PSME3: variants seen among roughly 807,000 people sequenced by gnomAD.
The protein encoded by PSME3 is proteasome activator subunit 3.
PSME3 carries 7 observed loss-of-function variants against 38.3 expected under a neutral mutation model. The ratio of observed to expected loss-of-function variants is 0.18; its 90% CI spans 0.10 to 0.34. The LOEUF (loss-of-function observed/expected upper bound fraction) is 0.34, where lower values mean the gene tolerates loss of function less well. Ranked by LOEUF, PSME3 falls within the 10% of genes least tolerant of loss-of-function variation. The pLI is 1.00. For missense variants in PSME3, 192 were observed against 307.6 expected, an observed-to-expected ratio of 0.62 and a Z score of 2.81; for synonymous variants, 108 against 105.7, an observed-to-expected ratio of 1.02 and a Z score of -0.13.
intron 4 of PSME3, 67 bp downstream of exon 4, chr17:42,834,943 G>T: frequency 1.3e-6 from 2 of 1,595,738 alleles, no homozygotes; most frequent in Non-Finnish European, 1.7e-6. Context: ...TTCCTTGTCA[G>T]TTTAAGATGT....
rs1423560015 is a variant in PSME3 at position 42,842,472 on chromosome 17, C to T, written c.*894C>T. 1 of 152,816 alleles carries T rather than the reference C, an allele frequency of 6.5e-6. No homozygotes were observed. Among genetic ancestry groups the T allele is most frequent in the Non-Finnish European group, 1.5e-5 (1 of 68,054 alleles). The allele number at this position is 152,816 out of a possible 1,614,324, so 9.5% of individuals were successfully genotyped here. On this transcript the variant is annotated 3_prime_UTR_variant, in exon 11 of 11. Transcript: ENST00000590720. ...AAAGCCTGTTCCTCTCTGACTCAGCCCTTTTTGGCATTATTGCAAGAGCTT... is the reference window on the plus strand; with the variant it reads ...AAAGCCTGTTCCTCTCTGACTCAGCTCTTTTTGGCATTATTGCAAGAGCTT...
At position 42,833,492 on chromosome 17, in the gene PSME3, G is replaced by GGAGC. The variant is rs2055423062; in HGVS notation, c.-131_-128dup. 2.9e-5 allele frequency: 29 copies of GGAGC among 1,016,434 alleles called. No homozygotes were observed. The highest frequency in any genetic ancestry group is 2.2e-4 in the South Asian group (15 of 68,280). 63.0% of individuals were successfully genotyped at this position (1,016,434 alleles called of 1,614,324 possible). On this transcript the variant is annotated 5_prime_UTR_variant, in exon 1 of 11. Transcript: ENST00000590720. Reference sequence around the variant, plus strand: ...GGGCGGGCGGACGGCACAGAGGGAGGGAGCGAGCGAGCAGTGAGTAAGCCA... The same window carrying GGAGC: ...GGGCGGGCGGACGGCACAGAGGGAGGGAGCGAGCGAGCGAGCAGTGAGTAAGCCA...
chr17:42,836,266 A>G (rs540096002), intron 4 of PSME3, among the ~76,000 whole-genome samples: 1 of 151,770 alleles, frequency 6.6e-6, no homozygotes, highest in Admixed American at 6.6e-5. Flanking sequence ...CAGCCTCCCA[A>G]AGTGCTGGGA....
Position 42,839,102 on chromosome 17 carries a change from C to T in PSME3, c.543-10C>T. 6.3e-7 allele frequency: 1 copy of T among 1,589,160 alleles called. No individual in the cohort carries two copies. The highest frequency in any genetic ancestry group is 8.6e-7 in the Non-Finnish European group (1 of 1,157,294). Reference sequence around the variant, plus strand: ...CTCCTGCATCTTCCTCCTCTTCTCTCTCTTTCCAGATATTATATTACAAGA... The same window carrying T: ...CTCCTGCATCTTCCTCCTCTTCTCTTTCTTTCCAGATATTATATTACAAGA... On this transcript the variant is annotated splice_polypyrimidine_tract_variant and intron_variant, in intron 8 of 10. Transcript: ENST00000590720.
chr17:42,839,201 G>C (rs766856882), intron 9 of PSME3, 35 bp downstream of exon 9: 1 of 1,564,852 alleles, frequency 6.4e-7, no homozygotes, highest in Non-Finnish European at 8.8e-7. Context: ...GGGTGGAGGT[G>C]GCAGGATAGT....
chr17:42,835,908 G>C (rs1415766794), intron 4 of PSME3, among the ~76,000 whole-genome samples: 1 of 151,708 alleles, frequency 6.6e-6, no homozygotes, highest in Non-Finnish European at 1.5e-5. Flanking sequence ...TCAGTCATGT[G>C]TCCACATGCT....
Position 42,833,439 on chromosome 17 carries a change from G to C in PSME3, c.-193G>C, listed in dbSNP as rs1041713515. 2.0e-5 allele frequency: 13 copies of C among 639,904 alleles called. No individual in the cohort carries two copies. The African/African-American group carries it at 2.2e-4, about 11-fold the overall frequency. 39.6% of individuals were successfully genotyped at this position (639,904 alleles called of 1,614,324 possible). On this transcript the variant is annotated 5_prime_UTR_variant, in exon 1 of 11. Coordinates refer to ENST00000590720, the MANE Select transcript of PSME3 (RefSeq NM_005789.4). Reference sequence around the variant, plus strand: ...CGGCGAAAGCCGGGAGGGCGAGCGAGAGAGCAAGCAGGCAGCAGGCTGCCG... The same window carrying C: ...CGGCGAAAGCCGGGAGGGCGAGCGACAGAGCAAGCAGGCAGCAGGCTGCCG...
chr17:42,838,536 T>A (rs1228591490), intron 6 of PSME3, among the ~76,000 whole-genome samples, 195 bp from the exon 7 acceptor site: 1 of 152,148 alleles, frequency 6.6e-6, no homozygotes, highest in Non-Finnish European at 1.5e-5. Flanking sequence ...CAGGCTGGTC[T>A]CGAACTCCTG....
Position 42,834,995 on chromosome 17 carries a change from T to C in PSME3, c.243+119T>C. On this transcript the variant is annotated intron_variant, in intron 4 of 10. Transcript: ENST00000590720. ...GATTTGGATCTGGGAACTAGGACTC[T>C]GTTACAGACATGATGACTCTAGTAT... The C allele has an allele frequency of 2.1e-6, 3 of 1,414,200 alleles. No individual in the cohort carries two copies. In the South Asian group the frequency reaches 4.2e-5, roughly 20 times the overall value. 87.6% of individuals were successfully genotyped at this position (1,414,200 alleles called of 1,614,324 possible). A position where few individuals can be genotyped will look rare whatever the true frequency, so the allele number is the denominator to read the frequency against.
rs1732978736 is a variant in PSME3 at position 42,842,473 on chromosome 17, C to G, written c.*895C>G. ...AAGCCTGTTCCTCTCTGACTCAGCCCTTTTTGGCATTATTGCAAGAGCTTG... is the reference window on the plus strand; with the variant it reads ...AAGCCTGTTCCTCTCTGACTCAGCCGTTTTTGGCATTATTGCAAGAGCTTG... On this transcript the variant is annotated 3_prime_UTR_variant, in exon 11 of 11. Transcript: ENST00000590720. The G allele has an allele frequency of 6.5e-6, 1 of 152,816 alleles. No homozygotes were observed. Among genetic ancestry groups the G allele is most frequent in the Non-Finnish European group, 1.5e-5 (1 of 68,042 alleles). The allele number at this position is 152,816 out of a possible 1,614,324, so 9.5% of individuals were successfully genotyped here. A position where few individuals can be genotyped will look rare whatever the true frequency, so the allele number is the denominator to read the frequency against.
intron 4 of PSME3, 123 bp from the exon 5 acceptor site, chr17:42,837,526 T>C: frequency 9.3e-7 from 1 of 1,072,292 alleles, no homozygotes; most frequent in Non-Finnish European, 1.4e-6. Flanking sequence ...CTTAGGAAAT[T>C]GTGCAGAAAT....
At chr17:42,839,191 G>A in intron 9 of PSME3, 25 bp downstream of exon 9, 1 of 1,569,030 alleles carries the variant, frequency 6.4e-7, no homozygotes, top group Non-Finnish European at 8.8e-7. Context: ...TGTGGCCTGA[G>A]GGTGGAGGTG....
rs2144261121 is a variant in PSME3 at position 42,841,755 on chromosome 17, TC to T, written c.*178del. ...TTCTGTGATGTGTTTACCTCTTTTT[TC>T]AGGCCTCAGGAACTCTTCTATTTCC... On this transcript the variant is annotated 3_prime_UTR_variant, in exon 11 of 11. Coordinates refer to ENST00000590720, the MANE Select transcript of PSME3 (RefSeq NM_005789.4). The T allele has an allele frequency of 2.1e-6, 1 of 475,806 alleles. No individual in the cohort carries two copies. Among genetic ancestry groups the T allele is most frequent in the East Asian group, 3.5e-5 (1 of 28,638 alleles). The allele number at this position is 475,806 out of a possible 1,614,324, so 29.5% of individuals were successfully genotyped here.
rs555379309 is a variant in PSME3, at chr17:42,835,697, C to G, written c.243+821C>G. ...CTGAGATTGCGCCACTGTACTCCAG[C>G]CTGGGCGACAGAGCGAGACTCTGTC... is the stretch of plus-strand genomic sequence containing the variant. On this transcript the variant is annotated intron_variant, in intron 4 of 10. Transcript: ENST00000590720. 3.3e-5 allele frequency among the ~76,000 whole-genome samples: 5 copies of G among 151,560 alleles called. No individual in the cohort carries two copies. The South Asian group carries it at 6.3e-4, about 19-fold the overall frequency.
intron 3 of PSME3, 34 bp downstream of exon 3, chr17:42,834,611 A>T: frequency 6.2e-7 from 1 of 1,611,370 alleles, no homozygotes; most frequent in Non-Finnish European, 8.5e-7. Flanking sequence ...AAATTCCCCA[A>T]TTTTTTTGGC....
rs746833814 is a variant in PSME3 at position 42,840,626 on chromosome 17, CTG to C, written c.685-871_685-870del. On this transcript the variant is annotated intron_variant, in intron 10 of 10. Coordinates refer to ENST00000590720, the MANE Select transcript of PSME3 (RefSeq NM_005789.4). ...TCCGTCTCAAAAAAAGAAAACAAAA[CTG>C]AAGAGTACCTACTGCACAAAATTCA... 4.9e-4 allele frequency among the ~76,000 whole-genome samples: 74 copies of C among 152,076 alleles called. 1 individual carries two copies. The highest frequency in any genetic ancestry group is 3.4e-3 in the Middle Eastern group (1 of 294).
At chr17:42,833,850 G>A in intron 1 of PSME3, 177 bp downstream of exon 1, 1 of 1,515,320 alleles carries the variant, frequency 6.6e-7, no homozygotes, top group Non-Finnish European at 8.8e-7. Context: ...AATATAGGAT[G>A]GCTTTCTGTA....
At chr17:42,834,268 A>G (rs771062181) in intron 1 of PSME3, 76 bp from the exon 2 acceptor site, 4 of 1,609,524 alleles carry the variant, frequency 2.5e-6, no homozygotes, top group Non-Finnish European at 2.5e-6. Context: ...TGAGGGAAAG[A>G]CAGTTGGATT....
intron 4 of PSME3, 71 bp from the exon 5 acceptor site, chr17:42,837,578 C>A (rs1345771485): frequency 1.4e-6 from 2 of 1,459,050 alleles, no homozygotes; most frequent in African/African-American, 1.4e-5. Context: ...ATTAAACTTG[C>A]TTGAAGGGTA....
Sources: gnomAD v4.1 joint callset for allele counts (sites outside exome capture counted in the v4.1 genomes callset) on GRCh38, gnomAD v4.1.1 for gene constraint, MANE v1.5 for transcripts, NCBI Gene and HGNC (gene_info 2026-07-23, HGNC 2026-07-21) for gene names.